The following SERGEF variants were observed in gnomAD, a reference collection of about 807,000 sequenced individuals.
SERGEF encodes the protein secretion regulating guanine nucleotide exchange factor.
A neutral mutation model predicts 50.0 loss-of-function variants in SERGEF; 51 were observed. The ratio of observed to expected loss-of-function variants is 1.02; its 90% CI spans 0.81 to 1.29. SERGEF has a LOEUF of 1.29. Among genes scored for constraint, SERGEF ranks in the 50% most tolerant of loss-of-function variants. The probability of loss-of-function intolerance (pLI) is 0.00; values close to 1 mark genes in which losing one functional copy is unlikely to be tolerated. For synonymous variants in SERGEF, 205 were observed against 212.4 expected (o/e 0.97, Z 0.30); for missense variants, 521 against 557.0 (o/e 0.94, Z 0.65).
At chr11:17,868,099 A>T (rs1851065843) in intron 10 of SERGEF, among the ~76,000 whole-genome samples, 1 of 152,154 alleles carries the variant, frequency 6.6e-6, no homozygotes, top group Non-Finnish European at 1.5e-5. Context: ...ACTTATGCAA[A>T]TTTCTGCAAC....
chr11:17,988,485 T>G, intron 8 of SERGEF, 112 bp downstream of exon 8: 1 of 1,014,446 alleles, frequency 9.9e-7, no homozygotes, highest in Admixed American at 2.4e-5. Context: ...TCCCCATCTC[T>G]GATCTTTAAG....
chr11:18,004,443 C>A lies in SERGEF; in HGVS notation c.445G>T (p.Glu149Ter). The change falls in exon 4 of 11, where the codon GAG becomes TAG. Residue 149 changes from glutamate (E) to a stop codon, truncating the protein, a stop_gained and splice_region_variant. Coordinates refer to ENST00000265965, the MANE Select transcript of SERGEF (RefSeq NM_012139.4). LOFTEE classifies it high-confidence loss of function. ...PRRCVVPQAI[E>*]LHKEKVVCIA... ...AGCTAAATATTAACTGTCCTCACCT[C>A]AATGGCCTGGGGAACCACACATCTT... The A allele has an allele frequency of 6.2e-7, 1 of 1,612,116 alleles. No homozygotes were observed. Among genetic ancestry groups the A allele is most frequent in the Non-Finnish European group, 8.5e-7 (1 of 1,178,434 alleles).
intron 8 of SERGEF, among the ~76,000 whole-genome samples, chr11:17,969,968 C>T (rs1179282245): frequency 6.6e-6 from 1 of 152,200 alleles, no homozygotes; most frequent in Non-Finnish European, 1.5e-5. Context: ...AGGCCCAAAA[C>T]AAAAGCAACT....
intron 8 of SERGEF, among the ~76,000 whole-genome samples, chr11:17,960,464 CA>C (rs1852973493): frequency 6.6e-6 from 1 of 152,152 alleles, no homozygotes; most frequent in Non-Finnish European, 1.5e-5. Context: ...TCTGATGAGC[CA>C]TAGATTATTA....
At chr11:18,011,709 T>A (rs1278037648) in intron 1 of SERGEF, among the ~76,000 whole-genome samples, 1 of 152,198 alleles carries the variant, frequency 6.6e-6, no homozygotes, top group Non-Finnish European at 1.5e-5. Context: ...CGGCTTTGTC[T>A]GTACTGAAAC....
intron 9 of SERGEF, among the ~76,000 whole-genome samples, chr11:17,890,026 C>CAAAAAAAAAAAAAAAAAAAAAAA: frequency 1.4e-5 from 1 of 73,946 alleles, no homozygotes; most frequent in Non-Finnish European, 2.8e-5. Context: ...ACACTTCAAC[C>CAAAAAAAAAAAAAAAAAAAAAAA]AAAAAAAAAA....
intron 5 of SERGEF, among the ~76,000 whole-genome samples, chr11:17,999,062 G>T (rs1168157753): frequency 6.6e-6 from 1 of 152,120 alleles, no homozygotes; most frequent in South Asian, 2.1e-4. Context: ...GAATGTCTAC[G>T]GAATTATGTT....
rs746942294 is a variant in SERGEF at position 18,008,000 on chromosome 11, C to T, written c.137G>A (p.Cys46Tyr). 5.9e-5 allele frequency: 95 copies of T among 1,613,998 alleles called. 1 individual carries two copies. In the Middle Eastern group the frequency reaches 2.0e-3, roughly 34 times the overall value. The change falls in exon 2 of 11, where the codon TGT (cysteine) becomes TAT (tyrosine). Residue 46 changes from cysteine (C) to tyrosine (Y), a missense_variant. Transcript: ENST00000265965. ...GATCCTCCTGACACTCCTGGGTTTA[C>T]AGAAGTCATTCAGTTGCTGGGGCAA... ...VLLPQQLNDFCKPRSVRRITG... is the reference protein window; with the variant it reads ...VLLPQQLNDFYKPRSVRRITG...
At chr11:17,829,851 G>C (rs552009318) in intron 10 of SERGEF, among the ~76,000 whole-genome samples, 1 of 152,320 alleles carries the variant, frequency 6.6e-6, no homozygotes, top group African/African-American at 2.4e-5. Context: ...GAGTATAAAA[G>C]CAGATTTGGG....
intron 9 of SERGEF, among the ~76,000 whole-genome samples, chr11:17,931,077 A>G (rs1852343290): frequency 1.3e-5 from 2 of 152,320 alleles, no homozygotes; most frequent in South Asian, 4.1e-4. Flanking sequence ...AGATAATATC[A>G]TCACAGGCAC....
intron 9 of SERGEF, among the ~76,000 whole-genome samples, chr11:17,930,936 C>T (rs1031076440): frequency 1.3e-5 from 2 of 152,090 alleles, no homozygotes; most frequent in African/African-American, 4.8e-5. Context: ...ACTGAGCTGA[C>T]GTCTGCTACA....
At chr11:17,820,085 C>T (rs1401659279) in intron 10 of SERGEF, among the ~76,000 whole-genome samples, 1 of 152,016 alleles carries the variant, frequency 6.6e-6, no homozygotes, top group East Asian at 1.9e-4. Flanking sequence ...CTCAAATGAT[C>T]CTCCTGCCTC....
At position 17,869,649 on chromosome 11, in the gene SERGEF, CAT is replaced by C. The variant is rs147894868; in HGVS notation, c.1048+8557_1048+8558del. Reference sequence around the variant, plus strand: ...ACACCATTCTTGAGGGTAGAGCCCTCATGACCTAATCACCTCCCAAACACCCC... The same window carrying C: ...ACACCATTCTTGAGGGTAGAGCCCTCGACCTAATCACCTCCCAAACACCCC... On this transcript the variant is annotated intron_variant, in intron 10 of 10. Coordinates refer to ENST00000265965, the MANE Select transcript of SERGEF (RefSeq NM_012139.4). Among the ~76,000 whole-genome samples the C allele has an allele frequency of 0.012, 1,819 of 152,252 alleles. 173 individuals are homozygous for C. The East Asian group carries it at 0.24, about 20-fold the overall frequency.
chr11:17,966,298 A>C (rs1383003472), intron 8 of SERGEF, among the ~76,000 whole-genome samples: 2 of 152,220 alleles, frequency 1.3e-5, no homozygotes, highest in Non-Finnish European at 2.9e-5. Context: ...ATTCAGTTGG[A>C]AAAGAGAAGA....
intron 6 of SERGEF, among the ~76,000 whole-genome samples, chr11:17,993,215 A>C (rs1853758541): frequency 6.6e-6 from 1 of 152,246 alleles, no homozygotes; most frequent in African/African-American, 2.4e-5. Flanking sequence ...TAAAGGAGCC[A>C]GATTCATCAC....
At chr11:17,890,601 T>A (rs1851514729) in intron 9 of SERGEF, among the ~76,000 whole-genome samples, 1 of 152,118 alleles carries the variant, frequency 6.6e-6, no homozygotes, top group Admixed American at 6.5e-5. Context: ...ATTGATTTTT[T>A]GTAGAGATGG....
chr11:18,003,131 T>A (rs892510993), intron 4 of SERGEF, among the ~76,000 whole-genome samples: 2 of 152,138 alleles, frequency 1.3e-5, no homozygotes, highest in African/African-American at 4.8e-5. Flanking sequence ...AACAACTGAG[T>A]TCAGCAAGCT....
At chr11:17,980,279 G>A (rs1271063172) in intron 8 of SERGEF, among the ~76,000 whole-genome samples, 1 of 152,150 alleles carries the variant, frequency 6.6e-6, no homozygotes, top group Admixed American at 6.5e-5. Context: ...AAGTCACAAA[G>A]CTGACTCATG....
intron 10 of SERGEF, among the ~76,000 whole-genome samples, chr11:17,828,214 T>C (rs1850234599): frequency 6.6e-6 from 1 of 152,220 alleles, no homozygotes; most frequent in Admixed American, 6.5e-5. Flanking sequence ...TGCGTGTGTG[T>C]TACAGGTATG....
Sources: gnomAD v4.1 joint callset for allele counts (sites outside exome capture counted in the v4.1 genomes callset) on GRCh38, gnomAD v4.1.1 for gene constraint, MANE v1.5 for transcripts, NCBI Gene and HGNC (gene_info 2026-07-23, HGNC 2026-07-21) for gene names.